PHACTR1: variants seen among roughly 807,000 people sequenced by gnomAD.
PHACTR1 encodes phosphatase and actin regulator 1, also known as RPEL repeat containing 1.
PHACTR1 carries 16 observed loss-of-function variants against 69.2 expected under a neutral mutation model. The ratio of observed to expected loss-of-function variants is 0.23; its 90% CI spans 0.16 to 0.35. The LOEUF is 0.35. Ranked by LOEUF, PHACTR1 falls within the 10% of genes least tolerant of loss-of-function variation. The probability of loss-of-function intolerance (pLI) is 1.00; values close to 1 mark genes in which losing one functional copy is unlikely to be tolerated. For missense variants in PHACTR1, 510 were observed against 734.7 expected (o/e 0.69, Z 3.54); for synonymous variants, 312 against 284.5 (o/e 1.10, Z -0.97).
intron 5 of PHACTR1, among the ~76,000 whole-genome samples, chr6:13,100,857 G>A (rs1279937286): frequency 1.3e-5 from 2 of 152,190 alleles, no homozygotes; most frequent in South Asian, 2.1e-4. Flanking sequence ...AAAGAGAAGA[G>A]GTGACCAGGT....
At chr6:13,028,267 TAAAG>T (rs1277502747) in intron 4 of PHACTR1, among the ~76,000 whole-genome samples, 1 of 152,210 alleles carries the variant, frequency 6.6e-6, no homozygotes, top group Non-Finnish European at 1.5e-5. Flanking sequence ...TTGTGAGAGA[TAAAG>T]AAACACACAC....
At chr6:13,234,912 C>T (rs1000513929) in intron 10 of PHACTR1, among the ~76,000 whole-genome samples, 1 of 152,150 alleles carries the variant, frequency 6.6e-6, no homozygotes, top group Admixed American at 6.5e-5. Context: ...GTGAATGATG[C>T]CATCCACTGG....
chr6:13,223,105 A>G (rs1349527347), intron 8 of PHACTR1, among the ~76,000 whole-genome samples: 1 of 152,228 alleles, frequency 6.6e-6, no homozygotes, highest in Non-Finnish European at 1.5e-5. Flanking sequence ...CAAAGATATC[A>G]TTTGCTTAGG....
At chr6:12,744,075 G>A (rs939348025) in intron 3 of PHACTR1, among the ~76,000 whole-genome samples, 12 of 152,214 alleles carry the variant, frequency 7.9e-5, no homozygotes, top group African/African-American at 2.9e-4. Flanking sequence ...ATCACGAAAT[G>A]AAGGCAGAAA....
intron 4 of PHACTR1, among the ~76,000 whole-genome samples, chr6:12,826,324 C>T (rs1776797342): frequency 6.6e-6 from 1 of 152,148 alleles, no homozygotes; most frequent in South Asian, 2.1e-4. Context: ...CAAAGTAGAG[C>T]CAGGGAGACT....
chr6:12,854,100 C>T (rs568332867), intron 4 of PHACTR1, among the ~76,000 whole-genome samples: 39 of 152,202 alleles, frequency 2.6e-4, no homozygotes, highest in African/African-American at 7.2e-4. Flanking sequence ...GGAAGCAAAA[C>T]GTAACCTAGA....
intron 6 of PHACTR1, among the ~76,000 whole-genome samples, chr6:13,170,496 A>C (rs1331275788): frequency 2.0e-5 from 3 of 152,186 alleles, no homozygotes; most frequent in Non-Finnish European, 4.4e-5. Context: ...CCAGCCACTG[A>C]CATGCATTGA....
At chr6:12,882,312 T>C (rs1188664637) in intron 4 of PHACTR1, among the ~76,000 whole-genome samples, 1 of 151,978 alleles carries the variant, frequency 6.6e-6, no homozygotes, top group Non-Finnish European at 1.5e-5. Flanking sequence ...ATAGGGACGA[T>C]GATAATAAGA....
At chr6:12,850,457 G>T (rs971157678) in intron 4 of PHACTR1, among the ~76,000 whole-genome samples, 5 of 152,210 alleles carry the variant, frequency 3.3e-5, no homozygotes, top group Admixed American at 2.0e-4. Flanking sequence ...GGCATTGCCT[G>T]GGGAAGGGAA....
chr6:12,848,012 T>C (rs1582070310), intron 4 of PHACTR1, among the ~76,000 whole-genome samples: 1 of 152,248 alleles, frequency 6.6e-6, no homozygotes, highest in East Asian at 1.9e-4. Flanking sequence ...GAACAGCCTT[T>C]CCTGAGACTG....
At chr6:13,286,521 A>G (rs930330016) in intron 14 of PHACTR1, among the ~76,000 whole-genome samples, 1 of 152,262 alleles carries the variant, frequency 6.6e-6, no homozygotes, top group African/African-American at 2.4e-5. Flanking sequence ...ACTTAGGTCA[A>G]GGAGAAAAGA....
At chr6:13,186,747 T>C (rs919464088) in intron 7 of PHACTR1, among the ~76,000 whole-genome samples, 1 of 152,232 alleles carries the variant, frequency 6.6e-6, no homozygotes, top group African/African-American at 2.4e-5. Context: ...GGACCAGTTT[T>C]GTGGAAGACC....
chr6:12,931,725 T>C (rs1319705565), intron 4 of PHACTR1, among the ~76,000 whole-genome samples: 1 of 151,670 alleles, frequency 6.6e-6, no homozygotes, highest in Non-Finnish European at 1.5e-5. Context: ...GAGGGGAGTG[T>C]ATGCCCTGAA....
chr6:12,904,038 C>G (rs908138614), intron 4 of PHACTR1, among the ~76,000 whole-genome samples: 6 of 152,118 alleles, frequency 3.9e-5, no homozygotes, highest in African/African-American at 1.4e-4. Context: ...GACACAATGC[C>G]TGCATTCATT....
At chr6:12,964,867 C>G (rs571379417) in intron 4 of PHACTR1, among the ~76,000 whole-genome samples, 1 of 152,240 alleles carries the variant, frequency 6.6e-6, no homozygotes, top group African/African-American at 2.4e-5. Context: ...TACAGCTGTT[C>G]CTCATTTTTC....
At chr6:12,900,012 G>C (rs1785030508) in intron 4 of PHACTR1, among the ~76,000 whole-genome samples, 1 of 152,148 alleles carries the variant, frequency 6.6e-6, no homozygotes, top group Non-Finnish European at 1.5e-5. Context: ...GACCTCCTCT[G>C]TCTAGTGGAC....
intron 11 of PHACTR1, chr6:13,274,092 G>A (rs202049): frequency 0.076 from 11,595 of 152,216 alleles, 711 homozygotes; most frequent in Admixed American, 0.22. Flanking sequence ...CGCTTTGGTG[G>A]GGAGACCTGT....
At chr6:13,231,059 GGAAGGAAGGAAGGAAGGAAGGAAGGAA>G (rs1468743415) in intron 10 of PHACTR1, among the ~76,000 whole-genome samples, 37 of 1,490 alleles carry the variant, frequency 0.025, 3 homozygotes, top group Admixed American at 0.12. Flanking sequence ...AAGGAAGGAA[GGAAGGAAGGAAGGAAGGAAGGAAGGAA>G]GAAGGAAGGA....
intron 3 of PHACTR1, among the ~76,000 whole-genome samples, chr6:12,726,899 T>C (rs1231978107): frequency 6.6e-6 from 1 of 152,216 alleles, no homozygotes; most frequent in African/African-American, 2.4e-5. Flanking sequence ...ATCCAAATAG[T>C]TGATATGTAA....
Sources: allele counts gnomAD v4.1 joint callset (sites outside exome capture counted in the v4.1 genomes callset), GRCh38; gene constraint gnomAD v4.1.1; transcripts MANE v1.5; gene names NCBI Gene and HGNC (gene_info 2026-07-23, HGNC 2026-07-21).